Variants in C1orf167 observed in about 807,000 individuals in gnomAD.
C1orf167 encodes chromosome 1 open reading frame 167.
C1orf167 carries 153 observed loss-of-function variants against 176.5 expected under a neutral mutation model. That is an observed-to-expected ratio of 0.87 (90% CI 0.76 to 0.99). The LOEUF (loss-of-function observed/expected upper bound fraction) is 0.99, where lower values mean the gene tolerates loss of function less well. C1orf167 is among the 50% of genes least tolerant of loss of function. The probability of loss-of-function intolerance (pLI) is 0.00; values close to 1 mark genes in which losing one functional copy is unlikely to be tolerated. For missense variants in C1orf167, 1,490 were observed against 1,817.7 expected (o/e 0.82, Z 3.28); for synonymous variants, 594 against 752.7 (o/e 0.79, Z 3.45).
intron 6 of C1orf167, among the ~76,000 whole-genome samples, chr1:11,770,892 C>T (rs1032535010): frequency 7.3e-4 from 109 of 150,146 alleles, no homozygotes; most frequent in African/African-American, 2.4e-3. Flanking sequence ...GCCACCTGTG[C>T]TTCCCAGGCT....
chr1:11,778,756 C>G lies in C1orf167; in HGVS notation c.2436C>G (p.Thr812=). Residue 812 remains threonine, a synonymous_variant, in exon 11 of 21, where the codon ACC becomes ACG. Transcript: ENST00000688073. ...ALGPDATSSC[T]KTPSALEPLS... Reference sequence around the variant, plus strand: ...GCCCAGATGCCACATCAAGCTGCACCAAGACCCCCTCGGCTCTGGAGCCAC... The same window carrying G: ...GCCCAGATGCCACATCAAGCTGCACGAAGACCCCCTCGGCTCTGGAGCCAC... The G allele has an allele frequency of 7.7e-7, 1 of 1,303,774 alleles. No homozygotes were observed. Among genetic ancestry groups the G allele is most frequent in the Non-Finnish European group, 1.0e-6 (1 of 988,780 alleles). The allele number at this position is 1,303,774 out of a possible 1,614,324, so 80.8% of individuals were successfully genotyped here.
At chr1:11,781,447 G>A (rs1421711222) in intron 13 of C1orf167, among the ~76,000 whole-genome samples, 1 of 152,188 alleles carries the variant, frequency 6.6e-6, no homozygotes, top group Admixed American at 6.5e-5. Context: ...CTTGGAGGCT[G>A]CCCACTACAC....
At chr1:11,785,327 C>T (rs1643807671) in intron 16 of C1orf167, 38 bp downstream of exon 16, 7 of 1,247,040 alleles carry the variant, frequency 5.6e-6, no homozygotes, top group Non-Finnish European at 7.3e-6. Context: ...ACGCTCTGGC[C>T]CCGGATGGCC....
intron 2 of C1orf167, 113 bp downstream of exon 2, chr1:11,764,583 G>C: frequency 1.1e-6 from 1 of 889,998 alleles, no homozygotes; most frequent in Non-Finnish European, 1.6e-6. Context: ...GCTAATTCCA[G>C]AGATCAGCCA....
At chr1:11,782,844 G>C (rs533550013) in intron 14 of C1orf167, among the ~76,000 whole-genome samples, 1 of 151,250 alleles carries the variant, frequency 6.6e-6, no homozygotes, top group African/African-American at 2.4e-5. Flanking sequence ...ACTTGAATCC[G>C]GGAGGCGGAG....
chr1:11,764,613 A>C, intron 2 of C1orf167, 143 bp downstream of exon 2: 1 of 601,154 alleles, frequency 1.7e-6, no homozygotes, highest in Non-Finnish European at 2.6e-6. Flanking sequence ...GGCTGGACAT[A>C]GGACAGAGTC....
rs552663617 is a variant in C1orf167, at chr1:11,785,427, G to A, written c.3567+138G>A. 1.4e-4 allele frequency: 135 copies of A among 982,752 alleles called. 1 individual carries two copies. In the South Asian group the frequency reaches 1.9e-3, roughly 14 times the overall value. 60.9% of individuals were successfully genotyped at this position (982,752 alleles called of 1,614,324 possible). A position where few individuals can be genotyped will look rare whatever the true frequency, so the allele number is the denominator to read the frequency against. ...GGCGGGAGGTCCAAAAATGACCCTC[G>A]GACCACCGGCCTTAGAATCAGCTTG... On this transcript the variant is annotated intron_variant, in intron 16 of 20. Coordinates refer to ENST00000688073, the MANE Select transcript of C1orf167 (RefSeq NM_001010881.2).
chr1:11,764,238 A>G (rs1218161853), intron 1 of C1orf167, 93 bp from the exon 2 acceptor site: 5 of 469,860 alleles, frequency 1.1e-5, no homozygotes, highest in Non-Finnish European at 1.5e-5. Context: ...GACCAGGCCA[A>G]GAGCAGCTAG....
chr1:11,776,385 G>A (rs6659541), intron 9 of C1orf167, 79 bp from the exon 10 acceptor site: 718,554 of 1,204,324 alleles, frequency 0.6, 218,481 homozygotes, highest in East Asian at 0.78. Flanking sequence ...AGAGGGGCCT[G>A]AGGCAGCAGC....
chr1:11,775,541 C>A lies in C1orf167; in HGVS notation c.2095C>A (p.Arg699=). 1 of 1,304,186 alleles carries A rather than the reference C, an allele frequency of 7.7e-7. No individual in the cohort carries two copies. Among genetic ancestry groups the A allele is most frequent in the Non-Finnish European group, 1.0e-6 (1 of 988,926 alleles). The allele number at this position is 1,304,186 out of a possible 1,614,324, so 80.8% of individuals were successfully genotyped here. The change falls in exon 9 of 21, where the codon CGG becomes AGG. Residue 699 remains arginine, a synonymous_variant. Transcript: ENST00000688073. ...TLRKCLEQWV[R]MKQLRESDGA... ...GAGGAAATGCCTGGAACAGTGGGTG[C>A]GGATGAAGCAGCTCCGGGAATCAGA...
At chr1:11,783,656 G>T (rs1202478375) in intron 14 of C1orf167, among the ~76,000 whole-genome samples, 3 of 152,134 alleles carry the variant, frequency 2.0e-5, no homozygotes, top group African/African-American at 7.2e-5. Context: ...TGTGGGACTT[G>T]AACCCATACT....
chr1:11,766,948 G>A lies in C1orf167; in HGVS notation c.1162G>A (p.Ala388Thr). The A allele has an allele frequency of 8.3e-7, 1 of 1,209,098 alleles. No individual in the cohort carries two copies. Among genetic ancestry groups the A allele is most frequent in the Non-Finnish European group, 1.1e-6 (1 of 949,562 alleles). The allele number at this position is 1,209,098 out of a possible 1,614,324, so 74.9% of individuals were successfully genotyped here. A position where few individuals can be genotyped will look rare whatever the true frequency, so the allele number is the denominator to read the frequency against. ...CAGGGGGACCGACCCCTGTTCCTCA[G>A]CCTTCTCCAACACAGCCTGGGGAGT... ...GSRGTDPCSS[A>T]FSNTAWGVSP... The change falls in exon 3 of 21, where the codon GCC (alanine) becomes ACC (threonine). Residue 388 changes from alanine to threonine, a missense_variant. Transcript: ENST00000688073. The surrounding 1 kb of genome is among the most constrained non-coding windows in gnomAD (Gnocchi z 4.5).
chr1:11,776,485 C>G lies in C1orf167; in HGVS notation c.2186C>G (p.Ala729Gly). The G allele has an allele frequency of 7.7e-7, 1 of 1,302,194 alleles. No individual in the cohort carries two copies. The highest frequency in any genetic ancestry group is 1.2e-5 in the South Asian group (1 of 80,832). 80.7% of individuals were successfully genotyped at this position (1,302,194 alleles called of 1,614,324 possible). The change falls in exon 10 of 21, where the codon GCA becomes GGA. Residue 729 changes from alanine to glycine, a missense_variant. Transcript: ENST00000688073. ...TCAGGACGTGAGGCTGTCTACACCG[C>G]AGGCCCTGGAGCCTGTGGCCTGGGT... The part of the protein sequence containing the change: ...QKAGREAVYT[A>G]GPGACGLGAV...
intron 13 of C1orf167, among the ~76,000 whole-genome samples, chr1:11,781,730 G>A (rs1004413159): frequency 3.9e-5 from 6 of 152,102 alleles, no homozygotes; most frequent in African/African-American, 1.4e-4. Flanking sequence ...CTAACATGGT[G>A]AAACCCCGTC....
intron 2 of C1orf167, 61 bp from the exon 3 acceptor site, chr1:11,765,796 G>A (rs746147852): frequency 3.9e-4 from 463 of 1,176,018 alleles, no homozygotes; most frequent in Non-Finnish European, 4.6e-4. Flanking sequence ...GGCCTGGAGA[G>A]CTTCGCCTGT....
At chr1:11,765,499 T>G (rs1485394216) in intron 2 of C1orf167, among the ~76,000 whole-genome samples, 1 of 152,018 alleles carries the variant, frequency 6.6e-6, no homozygotes, top group African/African-American at 2.4e-5. Flanking sequence ...TTTTTTCCCT[T>G]TATTACCTGA....
intron 18 of C1orf167, 42 bp from the exon 19 acceptor site, chr1:11,788,107 G>A (rs1180622402): frequency 2.4e-6 from 3 of 1,276,242 alleles, no homozygotes; most frequent in South Asian, 1.3e-5. Context: ...GGGCTGAGGG[G>A]CTTGCCTGAG....
Position 11,785,027 on chromosome 1 carries a change from T to TGGGTGGGCCCCAGCCTGG in C1orf167, c.3426-118_3426-101dup, listed in dbSNP as rs1643781675. The TGGGTGGGCCCCAGCCTGG allele has an allele frequency of 3.9e-5, 35 of 887,640 alleles. No individual in the cohort carries two copies. The Admixed American group carries it at 4.2e-4, about 11-fold the overall frequency. The allele number at this position is 887,640 out of a possible 1,614,324, so 55.0% of individuals were successfully genotyped here. ...CCTCCAGAAAAGGGAGTGTGGGAGG[T>TGGGTGGGCCCCAGCCTGG]GGGTGGGCCCCAGCCTGGGGCTGGG... On this transcript the variant is annotated intron_variant, in intron 15 of 20. Coordinates refer to ENST00000688073, the MANE Select transcript of C1orf167 (RefSeq NM_001010881.2).
At position 11,768,376 on chromosome 1, in the gene C1orf167, C is replaced by T; in HGVS notation, c.1542+101C>T. The stretch of plus-strand genomic sequence containing the variant: ...GAGGACACCCACTGGGCATAGGTGG[C>T]ACCTCATGAATGATCAGCAGTAAAG... On this transcript the variant is annotated intron_variant, in intron 5 of 20. Coordinates refer to ENST00000688073, the MANE Select transcript of C1orf167 (RefSeq NM_001010881.2). The surrounding 1 kb of genome is among the most constrained non-coding windows in gnomAD (Gnocchi z 4.5). 1.9e-6 allele frequency: 2 copies of T among 1,041,548 alleles called. No individual in the cohort carries two copies. The highest frequency in any genetic ancestry group is 2.5e-6 in the Non-Finnish European group (2 of 785,282). The allele number at this position is 1,041,548 out of a possible 1,614,324, so 64.5% of individuals were successfully genotyped here.
Sources: gnomAD v4.1 joint callset for allele counts (sites outside exome capture counted in the v4.1 genomes callset) on GRCh38, gnomAD v4.1.1 for gene constraint, Gnocchi (gnomAD v3.1) non-coding constraint, MANE v1.5 for transcripts, NCBI Gene and HGNC (gene_info 2026-07-23, HGNC 2026-07-21) for gene names.